VPS13B: variants seen among roughly 807,000 people sequenced by gnomAD.
VPS13B encodes intermembrane lipid transfer protein VPS13B.
Under a neutral mutation model 426.4 loss-of-function variants are expected in VPS13B, and 285 were observed. The observed-to-expected ratio is 0.67, with a 90% CI of 0.61 to 0.74. The LOEUF is 0.74. Ranked by LOEUF, VPS13B falls within the 30% of genes least tolerant of loss-of-function variation. The probability of loss-of-function intolerance (pLI) is 0.00; values close to 1 mark genes in which losing one functional copy is unlikely to be tolerated. For missense variants in VPS13B, 4,537 were observed against 4,782.6 expected (o/e 0.95, Z 1.51); for synonymous variants, 1,676 against 1,676.4 (o/e 1.00, Z 0.01).
At chr8:99,043,143 T>C (rs1208222982) in intron 3 of VPS13B, among the ~76,000 whole-genome samples, 3 of 152,102 alleles carry the variant, frequency 2.0e-5, no homozygotes, top group Non-Finnish European at 4.4e-5. Flanking sequence ...ACGAAGTTTT[T>C]TTTTGTTTTT....
At chr8:99,736,718 A>T (rs1262067803) in intron 39 of VPS13B, among the ~76,000 whole-genome samples, 1 of 151,458 alleles carries the variant, frequency 6.6e-6, no homozygotes, top group Non-Finnish European at 1.5e-5. Flanking sequence ...TTGGAAAAAA[A>T]CCCTAAGACT....
intron 19 of VPS13B, among the ~76,000 whole-genome samples, chr8:99,370,760 C>T (rs1237019377): frequency 6.6e-6 from 1 of 151,918 alleles, no homozygotes. Flanking sequence ...CAGGCGTGTA[C>T]CACCATGCCC....
chr8:99,406,667 C>G (rs986863536), intron 21 of VPS13B, among the ~76,000 whole-genome samples: 1 of 152,030 alleles, frequency 6.6e-6, no homozygotes, highest in South Asian at 2.1e-4. Flanking sequence ...AAAATTTTAC[C>G]TCTAGTCAGT....
chr8:99,774,389 C>T (rs958403003), intron 40 of VPS13B, among the ~76,000 whole-genome samples: 1 of 152,038 alleles, frequency 6.6e-6, no homozygotes, highest in African/African-American at 2.4e-5. Context: ...CTAACCATTG[C>T]TTTGTGCATT....
At chr8:99,707,719 C>T (rs757083188) in intron 36 of VPS13B, among the ~76,000 whole-genome samples, 1 of 152,164 alleles carries the variant, frequency 6.6e-6, no homozygotes, top group African/African-American at 2.4e-5. Context: ...GTGGGACCCA[C>T]TAAGTGTCAA....
At chr8:99,032,356 T>G (rs1292469789) in intron 2 of VPS13B, among the ~76,000 whole-genome samples, 1 of 152,194 alleles carries the variant, frequency 6.6e-6, no homozygotes, top group Non-Finnish European at 1.5e-5. Context: ...TAATTTTTAT[T>G]CATATGATTG....
chr8:99,226,276 C>A (rs1377877031), intron 17 of VPS13B, among the ~76,000 whole-genome samples: 1 of 152,178 alleles, frequency 6.6e-6, no homozygotes, highest in African/African-American at 2.4e-5. Flanking sequence ...ATAACCATTT[C>A]TTCTTCTTGT....
intron 19 of VPS13B, among the ~76,000 whole-genome samples, chr8:99,322,380 G>A (rs1810026449): frequency 1.3e-5 from 2 of 151,962 alleles, no homozygotes; most frequent in African/African-American, 4.8e-5. Flanking sequence ...TTTTTTTCCT[G>A]AGTAGAGATT....
At chr8:99,758,034 G>A (rs898199407) in intron 39 of VPS13B, among the ~76,000 whole-genome samples, 1 of 152,138 alleles carries the variant, frequency 6.6e-6, no homozygotes, top group East Asian at 1.9e-4. Flanking sequence ...TCTTGGAATA[G>A]TCATCTTTCC....
chr8:99,206,287 C>T (rs577807815), intron 17 of VPS13B, among the ~76,000 whole-genome samples: 4 of 152,190 alleles, frequency 2.6e-5, no homozygotes, highest in African/African-American at 4.8e-5. Context: ...AATGGACATT[C>T]GAATCCCTCA....
At chr8:99,541,441 C>T (rs546288623) in intron 30 of VPS13B, among the ~76,000 whole-genome samples, 31 of 152,106 alleles carry the variant, frequency 2.0e-4, no homozygotes, top group African/African-American at 7.2e-4. Context: ...ATCAACCTGT[C>T]ATCTAGGTTT....
chr8:99,312,287 G>C (rs1434484681), intron 19 of VPS13B, among the ~76,000 whole-genome samples: 4 of 152,156 alleles, frequency 2.6e-5, no homozygotes, highest in African/African-American at 7.2e-5. Flanking sequence ...AATTTGGCAT[G>C]TTTTTCCAGT....
intron 5 of VPS13B, among the ~76,000 whole-genome samples, chr8:99,108,336 G>T (rs77354714): frequency 1.3e-5 from 2 of 152,244 alleles, no homozygotes; most frequent in East Asian, 3.9e-4. Context: ...ATGGTAGAAA[G>T]ATTTATATTC....
intron 17 of VPS13B, among the ~76,000 whole-genome samples, chr8:99,209,170 T>C (rs1043288177): frequency 2.6e-5 from 4 of 151,896 alleles, no homozygotes; most frequent in Non-Finnish European, 5.9e-5. Context: ...TCCCAGCTAC[T>C]TGGGAGGCTG....
chr8:99,027,371 A>T (rs1842195444), intron 2 of VPS13B, among the ~76,000 whole-genome samples: 2 of 144,134 alleles, frequency 1.4e-5, no homozygotes, highest in South Asian at 2.2e-4. Flanking sequence ...CCTATTGTTT[A>T]TCTTTGCAGT....
At chr8:99,674,746 TATC>T in intron 35 of VPS13B, among the ~76,000 whole-genome samples, 1 of 152,188 alleles carries the variant, frequency 6.6e-6, no homozygotes, top group Non-Finnish European at 1.5e-5. Context: ...TCTGCATGGT[TATC>T]ATGAGGCATA....
intron 43 of VPS13B, among the ~76,000 whole-genome samples, chr8:99,799,715 A>G (rs1479349041): frequency 6.6e-6 from 1 of 152,194 alleles, no homozygotes; most frequent in East Asian, 1.9e-4. Context: ...TTCTTAGGAC[A>G]TGTGTTGGCA....
rs573344177 is a variant in VPS13B, at chr8:99,504,294, C to A, written c.4157+1344C>A. ...AAGCCAAGTAGATGATAGTGCCATGCTTGTACAGCCTGCAGAACCACGAGC... is the reference window on the plus strand; with the variant it reads ...AAGCCAAGTAGATGATAGTGCCATGATTGTACAGCCTGCAGAACCACGAGC... On this transcript the variant is annotated intron_variant, in intron 27 of 61. Transcript: ENST00000357162. 2.0e-5 allele frequency among the ~76,000 whole-genome samples: 3 copies of A among 152,328 alleles called. No homozygotes were observed. The South Asian group carries it at 6.2e-4, about 32-fold the overall frequency.
chr8:99,167,488 TATA>T (rs907221114), intron 15 of VPS13B, among the ~76,000 whole-genome samples: 4 of 152,064 alleles, frequency 2.6e-5, no homozygotes, highest in African/African-American at 9.6e-5. Context: ...ATATCATAAT[TATA>T]ATGTTTTTAT....
Sources: gnomAD v4.1 joint callset for allele counts (sites outside exome capture counted in the v4.1 genomes callset) on GRCh38, gnomAD v4.1.1 for gene constraint, MANE v1.5 for transcripts, NCBI Gene and HGNC (gene_info 2026-07-23, HGNC 2026-07-21) for gene names.